The following ZZZ3 variants were observed in gnomAD, a reference collection of about 807,000 sequenced individuals.
ZZZ3 encodes the protein zinc finger ZZ-type containing 3, also known as ZZ-type zinc finger-containing protein 3.
ZZZ3 carries 22 observed loss-of-function variants against 95.2 expected under a neutral mutation model. The ratio of observed to expected loss-of-function variants is 0.23; its 90% CI spans 0.17 to 0.33. ZZZ3 has a LOEUF of 0.33. ZZZ3 is among the 10% of genes least tolerant of loss of function. The pLI, the probability that ZZZ3 is intolerant of heterozygous loss-of-function variation, is 1.00. For missense variants in ZZZ3, 885 were observed against 1,066.5 expected (o/e 0.83, Z 2.37); for synonymous variants, 335 against 358.9 (o/e 0.93, Z 0.75).
chr1:77,654,943 C>G (rs376733075), intron 1 of ZZZ3, among the ~76,000 whole-genome samples: 1 of 152,094 alleles, frequency 6.6e-6, no homozygotes, highest in African/African-American at 2.4e-5. Context: ...GCCACCACAC[C>G]GAGCCAAGAA....
intron 1 of ZZZ3, among the ~76,000 whole-genome samples, chr1:77,643,809 C>T (rs1197211096): frequency 3.3e-5 from 5 of 152,070 alleles, no homozygotes; most frequent in Non-Finnish European, 7.4e-5. Context: ...TAAAATAAAA[C>T]AATGAAGTTC....
At chr1:77,581,170 A>G in intron 8 of ZZZ3, 101 bp from the exon 9 acceptor site, 1 of 936,422 alleles carries the variant, frequency 1.1e-6, no homozygotes, top group Non-Finnish European at 1.7e-6. Flanking sequence ...AATTAATTTC[A>G]AAATATTTGA....
chr1:77,650,084 A>G (rs907664036), intron 1 of ZZZ3, among the ~76,000 whole-genome samples: 55 of 152,346 alleles, frequency 3.6e-4, no homozygotes, highest in African/African-American at 1.3e-3. Flanking sequence ...TAAGATGTAT[A>G]GTATAAATCT....
chr1:77,580,892 C>CT, intron 9 of ZZZ3, 106 bp downstream of exon 9: 1 of 933,354 alleles, frequency 1.1e-6, no homozygotes, highest in Non-Finnish European at 1.7e-6. Context: ...TCCCAAAGTG[C>CT]TGGGATTACA....
At chr1:77,682,678 G>A (rs549412961), upstream of ZZZ3, 1 of 152,324 alleles carries the variant, frequency 6.6e-6, no homozygotes, top group East Asian at 1.9e-4. Context: ...CGAGAATCGA[G>A]AGATCTCGCG....
intron 1 of ZZZ3, among the ~76,000 whole-genome samples, chr1:77,665,901 C>T (rs959861718): frequency 3.3e-5 from 5 of 151,978 alleles, no homozygotes; most frequent in South Asian, 4.1e-4. Context: ...ATCAGCCAGG[C>T]GTGGTGGCAC....
rs536444223 is a variant in ZZZ3, at chr1:77,588,177, A to G, written c.1506-3522T>C. On this transcript the variant is annotated intron_variant, in intron 5 of 14. Coordinates refer to ENST00000370801, the MANE Select transcript of ZZZ3 (RefSeq NM_015534.6). ...TGTTCAAGGGTCAACTGTGGTGTCTAACATTTACTGAATGCGTACTACATG... is the reference window on the plus strand; with the variant it reads ...TGTTCAAGGGTCAACTGTGGTGTCTGACATTTACTGAATGCGTACTACATG... Among the ~76,000 whole-genome samples the G allele has an allele frequency of 8.5e-4, 129 of 152,294 alleles. 1 individual carries two copies. The highest frequency in any genetic ancestry group is 3.0e-3 in the African/African-American group (126 of 41,564).
At chr1:77,576,569 T>C (rs1214895899) in intron 11 of ZZZ3, among the ~76,000 whole-genome samples, 4 of 152,132 alleles carry the variant, frequency 2.6e-5, no homozygotes, top group Admixed American at 6.5e-5. Context: ...CAGGATGAAG[T>C]GGCCTATGCC....
At chr1:77,607,526 C>T (rs890750857) in intron 5 of ZZZ3, among the ~76,000 whole-genome samples, 1 of 152,112 alleles carries the variant, frequency 6.6e-6, no homozygotes, top group Non-Finnish European at 1.5e-5. Flanking sequence ...AATTCTGCAG[C>T]TGAAAAATGC....
chr1:77,683,009 C>G (rs1159393176), upstream of ZZZ3, among the ~76,000 whole-genome samples: 5 of 151,992 alleles, frequency 3.3e-5, no homozygotes, highest in East Asian at 9.8e-4. Flanking sequence ...AGCGCGCTCC[C>G]GACGCCCTCC....
intron 5 of ZZZ3, among the ~76,000 whole-genome samples, chr1:77,627,007 C>G (rs563934941): frequency 6.6e-6 from 1 of 152,210 alleles, no homozygotes; most frequent in African/African-American, 2.4e-5. Flanking sequence ...ATAATCATGA[C>G]TACAATTACA....
At chr1:77,602,139 A>G (rs1664791218) in intron 5 of ZZZ3, among the ~76,000 whole-genome samples, 1 of 152,250 alleles carries the variant, frequency 6.6e-6, no homozygotes, top group African/African-American at 2.4e-5. Flanking sequence ...GAGTTGTAGC[A>G]ATATGCAGAA....
chr1:77,621,141 C>A (rs1251337876), intron 5 of ZZZ3, among the ~76,000 whole-genome samples: 1 of 152,026 alleles, frequency 6.6e-6, no homozygotes, highest in Non-Finnish European at 1.5e-5. Context: ...GATTCTAGAT[C>A]TAAATAATAT....
At chr1:77,570,233 G>T (rs1247418309) in intron 12 of ZZZ3, among the ~76,000 whole-genome samples, 1 of 152,132 alleles carries the variant, frequency 6.6e-6, no homozygotes, top group African/African-American at 2.4e-5. Context: ...CTCCCAAGTA[G>T]CTGGGACTAC....
At chr1:77,608,004 T>C (rs1249137564) in intron 5 of ZZZ3, among the ~76,000 whole-genome samples, 1 of 151,132 alleles carries the variant, frequency 6.6e-6, no homozygotes, top group Non-Finnish European at 1.5e-5. Flanking sequence ...GAAGCATGAC[T>C]ACAGGATCTG....
intron 4 of ZZZ3, among the ~76,000 whole-genome samples, chr1:77,634,863 T>TA (rs1169445246): frequency 6.6e-6 from 1 of 152,196 alleles, no homozygotes; most frequent in Admixed American, 6.5e-5. Context: ...CTCTTCTGTT[T>TA]AGTTTTCACA....
At chr1:77,607,114 T>C (rs567556398) in intron 5 of ZZZ3, among the ~76,000 whole-genome samples, 1 of 152,200 alleles carries the variant, frequency 6.6e-6, no homozygotes, top group African/African-American at 2.4e-5. Context: ...ACTGGGTAAT[T>C]TGGACAGGAA....
chr1:77,568,493 T>C, intron 12 of ZZZ3, 27 bp from the exon 13 acceptor site: 1 of 1,005,844 alleles, frequency 9.9e-7, no homozygotes, highest in Non-Finnish European at 1.4e-6. Flanking sequence ...AAAAAAAAAA[T>C]GTTGGTTTGG....
chr1:77,599,004 G>A (rs1050620482), intron 5 of ZZZ3, among the ~76,000 whole-genome samples: 1 of 152,088 alleles, frequency 6.6e-6, no homozygotes, highest in Admixed American at 6.6e-5. Flanking sequence ...ATTCTGATGA[G>A]GAGGCTGGAG....
Sources: gnomAD v4.1 joint callset for allele counts (sites outside exome capture counted in the v4.1 genomes callset) on GRCh38, gnomAD v4.1.1 for gene constraint, MANE v1.5 for transcripts, NCBI Gene and HGNC (gene_info 2026-07-23, HGNC 2026-07-21) for gene names.